RFX4: variants seen among roughly 807,000 people sequenced by gnomAD.
RFX4 encodes the protein transcription factor RFX4.
RFX4 carries 10 observed loss-of-function variants against 95.0 expected under a neutral mutation model. The ratio of observed to expected loss-of-function variants is 0.11; its 90% CI spans 0.06 to 0.18. RFX4 has a LOEUF of 0.18. Ranked by LOEUF, RFX4 falls within the 10% of genes least tolerant of loss-of-function variation. The probability of loss-of-function intolerance (pLI) is 1.00; values close to 1 mark genes in which losing one functional copy is unlikely to be tolerated. For missense variants in RFX4, 640 were observed against 922.0 expected (o/e 0.69, Z 3.96); for synonymous variants, 321 against 340.7 (o/e 0.94, Z 0.64).
chr12:106,759,469 T>C (rs1055170579), intron 17 of RFX4, among the ~76,000 whole-genome samples: 1 of 152,204 alleles, frequency 6.6e-6, no homozygotes, highest in Non-Finnish European at 1.5e-5. Context: ...TTCCTAATGT[T>C]ATCTGTTTAA....
intron 17 of RFX4, among the ~76,000 whole-genome samples, chr12:106,760,938 T>C (rs2043198223): frequency 6.6e-6 from 1 of 152,110 alleles, no homozygotes; most frequent in African/African-American, 2.4e-5. Flanking sequence ...TCCCAAGATA[T>C]TGTAGATTAG....
chr12:106,708,491 G>A (rs2042130969), intron 8 of RFX4, among the ~76,000 whole-genome samples: 1 of 152,104 alleles, frequency 6.6e-6, no homozygotes, highest in Non-Finnish European at 1.5e-5. Flanking sequence ...AAATGGGGTT[G>A]CCCAGTGGGG....
intron 1 of RFX4, among the ~76,000 whole-genome samples, chr12:106,607,645 C>T: frequency 6.6e-6 from 1 of 152,092 alleles, no homozygotes; most frequent in East Asian, 1.9e-4. Flanking sequence ...TAAAAAGACA[C>T]AAAGTTTGCA....
chr12:106,689,455 C>A, intron 7 of RFX4, 91 bp downstream of exon 7: 1 of 1,055,754 alleles, frequency 9.5e-7, no homozygotes. Context: ...AGGTGCCAGG[C>A]CTGGCATCTG....
At chr12:106,636,800 T>C (rs1248081620) in intron 2 of RFX4, among the ~76,000 whole-genome samples, 1 of 152,114 alleles carries the variant, frequency 6.6e-6, no homozygotes, top group Non-Finnish European at 1.5e-5. Flanking sequence ...AGGCAGCCAT[T>C]GTTTGGGTTG....
intron 11 of RFX4, among the ~76,000 whole-genome samples, chr12:106,719,114 T>A (rs1592977770): frequency 6.6e-6 from 1 of 151,888 alleles, no homozygotes; most frequent in East Asian, 1.9e-4. Context: ...AAGGCGAGAC[T>A]CCATCTCAAA....
chr12:106,633,355 C>T (rs1373276833), intron 2 of RFX4, among the ~76,000 whole-genome samples: 1 of 152,174 alleles, frequency 6.6e-6, no homozygotes, highest in Admixed American at 6.5e-5. Flanking sequence ...ATTATTCACC[C>T]TCACCAAAGA....
intron 8 of RFX4, among the ~76,000 whole-genome samples, chr12:106,706,633 A>G (rs1248360007): frequency 6.6e-6 from 1 of 152,268 alleles, no homozygotes; most frequent in Non-Finnish European, 1.5e-5. Context: ...AATAGATTAC[A>G]TGACACTACA....
At chr12:106,643,063 C>A (rs1249162230) in intron 3 of RFX4, among the ~76,000 whole-genome samples, 2 of 152,192 alleles carry the variant, frequency 1.3e-5, no homozygotes, top group African/African-American at 4.8e-5. Context: ...TAAAAATGAT[C>A]TGAATCAAAG....
rs745508564 is a variant in RFX4, at chr12:106,583,288, T to C, written c.-33T>C. On this transcript the variant is annotated 5_prime_UTR_variant, in exon 1 of 18. Transcript: ENST00000392842. The stretch of plus-strand genomic sequence containing the variant: ...AGGGGATCCCCAAACATCAGGACTT[T>C]TGGGGGGCGCCTGTGCTGTCCATGG... 12 of 1,562,620 alleles carry C rather than the reference T, an allele frequency of 7.7e-6. No homozygotes were observed. Among genetic ancestry groups the C allele is most frequent in the East Asian group, 2.5e-5 (1 of 40,704 alleles).
rs1010771691 is a variant in RFX4 at position 106,696,424 on chromosome 12, G to A, written c.811G>A (p.Val271Met). 65 of 1,614,170 alleles carry A rather than the reference G, an allele frequency of 4.0e-5. No homozygotes were observed. Among genetic ancestry groups the A allele is most frequent in the Non-Finnish European group, 5.3e-5 (63 of 1,180,028 alleles). The change falls in exon 8 of 18, where the codon GTG becomes ATG. Residue 271 changes from valine (V) to methionine (M), a missense_variant. Transcript: ENST00000392842. ...KAISGVLMPTVLQALPDSLTQ... is the reference protein window; with the variant it reads ...KAISGVLMPTMLQALPDSLTQ... ...TATCTCCGGGGTGCTGATGCCCACT[G>A]TGCTGCAGGCATTACCTGACAGGTG...
chr12:106,663,724 A>G (rs1444544474), intron 4 of RFX4, among the ~76,000 whole-genome samples: 1 of 151,616 alleles, frequency 6.6e-6, no homozygotes, highest in African/African-American at 2.4e-5. Flanking sequence ...CAAATTGAAG[A>G]AATTACCCTT....
In RFX4 at chr12:106,651,998, A is replaced by G. The variant is rs146188499; in HGVS notation, c.192-2230A>G. Among the ~76,000 whole-genome samples the G allele has an allele frequency of 9.3e-4, 141 of 152,338 alleles. 1 individual carries two copies. Among genetic ancestry groups the G allele is most frequent in the African/African-American group, 3.1e-3 (129 of 41,570 alleles). On this transcript the variant is annotated intron_variant, in intron 3 of 17. Transcript: ENST00000392842. Reference sequence around the variant, plus strand: ...TTTGGACCTCTGAACTCACTTTTATAGAGAAACAATGCCGCGAATGGCAGT... The same window carrying G: ...TTTGGACCTCTGAACTCACTTTTATGGAGAAACAATGCCGCGAATGGCAGT...
intron 2 of RFX4, among the ~76,000 whole-genome samples, chr12:106,629,299 C>T (rs979859514): frequency 1.3e-5 from 2 of 152,138 alleles, no homozygotes; most frequent in East Asian, 3.9e-4. Flanking sequence ...TTTGCTGCTA[C>T]AGACAAGCTG....
chr12:106,728,984 G>A (rs1424187206), intron 13 of RFX4, among the ~76,000 whole-genome samples: 3 of 152,316 alleles, frequency 2.0e-5, no homozygotes, highest in African/African-American at 7.2e-5. Context: ...AAGAGAGCTT[G>A]AAGGCCCATG....
intron 3 of RFX4, among the ~76,000 whole-genome samples, chr12:106,647,271 G>T (rs906848904): frequency 6.6e-6 from 1 of 152,102 alleles, no homozygotes; most frequent in African/African-American, 2.4e-5. Context: ...AACTTTAGAG[G>T]CATCATACCT....
chr12:106,583,062 G>T lies in RFX4; in HGVS notation c.-259G>T, dbSNP rs571006040. ...TGGATTACTGAGTGTCCCCTTGCTC[G>T]CTCGCTTTTTCTCTCTCCCCCTTCT... is the stretch of plus-strand genomic sequence containing the variant. On this transcript the variant is annotated 5_prime_UTR_variant, in exon 1 of 18. Transcript: ENST00000392842. The T allele has an allele frequency of 3.5e-4, 147 of 424,056 alleles. No individual in the cohort carries two copies. Among genetic ancestry groups the T allele is most frequent in the Non-Finnish European group, 5.8e-4 (140 of 242,670 alleles). 26.3% of individuals were successfully genotyped at this position (424,056 alleles called of 1,614,324 possible). A position where few individuals can be genotyped will look rare whatever the true frequency, so the allele number is the denominator to read the frequency against.
intron 9 of RFX4, among the ~76,000 whole-genome samples, chr12:106,711,013 C>A (rs949529362): frequency 6.6e-6 from 1 of 152,228 alleles, no homozygotes; most frequent in Non-Finnish European, 1.5e-5. Context: ...TAGCCCCACA[C>A]ACCGCTGAGG....
At chr12:106,746,355 C>CAA (rs531874659) in intron 15 of RFX4, among the ~76,000 whole-genome samples, 70 of 67,228 alleles carry the variant, frequency 1.0e-3, no homozygotes, top group African/African-American at 2.4e-3. Flanking sequence ...GACTCCATCT[C>CAA]AAAAAAAAAA....
Sources: gnomAD v4.1 joint callset for allele counts (sites outside exome capture counted in the v4.1 genomes callset) on GRCh38, gnomAD v4.1.1 for gene constraint, MANE v1.5 for transcripts, NCBI Gene and HGNC (gene_info 2026-07-23, HGNC 2026-07-21) for gene names.